Variants in PIK3C2G observed in about 807,000 individuals in gnomAD.
PIK3C2G encodes phosphatidylinositol-4-phosphate 3-kinase catalytic subunit type 2 gamma.
Under a neutral mutation model 181.1 loss-of-function variants are expected in PIK3C2G, and 168 were observed. That is an observed-to-expected ratio of 0.93 (90% CI 0.82 to 1.05). PIK3C2G has a LOEUF of 1.05. Ranked by LOEUF, PIK3C2G falls within the 50% of genes least tolerant of loss-of-function variation. PIK3C2G has a pLI of 0.00. For missense variants in PIK3C2G, 1,869 were observed against 1,732.8 expected, an observed-to-expected ratio of 1.08 and a Z score of -1.40; for synonymous variants, 573 against 592.2, an observed-to-expected ratio of 0.97 and a Z score of 0.47.
chr12:18,474,930 G>C (rs1001457398), intron 18 of PIK3C2G, among the ~76,000 whole-genome samples: 1 of 152,008 alleles, frequency 6.6e-6, no homozygotes, highest in Admixed American at 6.6e-5. Flanking sequence ...TCAGTTATCT[G>C]CCCTTTAAGC....
At chr12:18,245,093 A>T (rs10770328), upstream of PIK3C2G, among the ~76,000 whole-genome samples, 65,456 of 152,006 alleles carry the variant, frequency 0.43, 14,662 homozygotes, top group East Asian at 0.75. Context: ...ACTTTAAGAG[A>T]TTACGTGGGC....
intron 18 of PIK3C2G, among the ~76,000 whole-genome samples, chr12:18,466,878 T>C (rs1485197968): frequency 2.0e-5 from 3 of 151,986 alleles, no homozygotes; most frequent in Non-Finnish European, 4.4e-5. Context: ...AGTAATAACA[T>C]TTGACACAAA....
intron 24 of PIK3C2G, among the ~76,000 whole-genome samples, chr12:18,521,100 C>T (rs1287419504): frequency 6.6e-6 from 1 of 152,226 alleles, no homozygotes; most frequent in East Asian, 1.9e-4. Flanking sequence ...GGCTGGAGAA[C>T]AGCAAAGGTG....
chr12:18,314,360 T>G (rs1413089342), intron 6 of PIK3C2G, among the ~76,000 whole-genome samples: 2 of 152,020 alleles, frequency 1.3e-5, no homozygotes, highest in African/African-American at 4.8e-5. Context: ...GGAAGTGAGG[T>G]CTTTGGGAGG....
chr12:18,314,502 TC>T (rs1950777539), intron 6 of PIK3C2G: 1 of 154,134 alleles, frequency 6.5e-6, no homozygotes, highest in Non-Finnish European at 1.4e-5. Flanking sequence ...TCTATCACTC[TC>T]TCTTTCTCTT....
intron 17 of PIK3C2G, among the ~76,000 whole-genome samples, chr12:18,422,252 A>G (rs1467656310): frequency 6.6e-6 from 1 of 152,076 alleles, no homozygotes; most frequent in Non-Finnish European, 1.5e-5. Flanking sequence ...CAACTATGTC[A>G]TGATTAAAAA....
intron 25 of PIK3C2G, among the ~76,000 whole-genome samples, chr12:18,545,710 G>C (rs1944387401): frequency 6.6e-6 from 1 of 151,752 alleles, no homozygotes; most frequent in Non-Finnish European, 1.5e-5. Flanking sequence ...CATTTAAGTA[G>C]GGAAAATTGT....
chr12:18,586,452 A>C (rs1290110778), intron 29 of PIK3C2G, among the ~76,000 whole-genome samples: 1 of 152,158 alleles, frequency 6.6e-6, no homozygotes, highest in Non-Finnish European at 1.5e-5. Context: ...GAGCACCTCT[A>C]TGCGCACAAA....
the PIK3C2G span, among the ~76,000 whole-genome samples, chr12:18,726,650 AT>A: frequency 0.073 from 11,120 of 152,200 alleles, 503 homozygotes; most frequent in Middle Eastern, 0.12. Flanking sequence ...ACCATTTTCC[AT>A]TTCCAATGCT....
intron 29 of PIK3C2G, among the ~76,000 whole-genome samples, chr12:18,568,201 G>A (rs1366727228): frequency 1.3e-5 from 2 of 152,096 alleles, no homozygotes; most frequent in East Asian, 1.9e-4. Context: ...AACATCTTTT[G>A]GTAGGGGGTA....
rs534033464 is a variant in PIK3C2G at position 18,406,008 on chromosome 12, T to G, written c.2315+6161T>G. ...TCCAAGCTACTGAAATGTTGTACCC[T>G]TTGACAACAATCTCCTCTTTTTCCA... is the stretch of plus-strand genomic sequence containing the variant. On this transcript the variant is annotated intron_variant, in intron 16 of 32. Transcript: ENST00000538779. 2.0e-5 allele frequency among the ~76,000 whole-genome samples: 3 copies of G among 152,294 alleles called. No homozygotes were observed. In the South Asian group the frequency reaches 6.2e-4, roughly 32 times the overall value.
the PIK3C2G span, chr12:18,688,223 A>T: frequency 6.2e-7 from 1 of 1,603,224 alleles, no homozygotes; most frequent in African/African-American, 1.3e-5. Context: ...GATGAGCTGC[A>T]CAAATATATA....
intron 6 of PIK3C2G, among the ~76,000 whole-genome samples, chr12:18,319,501 G>T (rs1951012660): frequency 6.6e-6 from 1 of 151,394 alleles, no homozygotes. Flanking sequence ...TCCAATACAT[G>T]TATCTTACAA....
chr12:18,615,375 G>GTGTGTGTGTA (rs1555150547), intron 31 of PIK3C2G, among the ~76,000 whole-genome samples: 1 of 89,580 alleles, frequency 1.1e-5, no homozygotes, highest in African/African-American at 3.1e-5. Flanking sequence ...GTGTGTATGT[G>GTGTGTGTGTA]TATATATATA....
At chr12:18,358,694 C>A in intron 11 of PIK3C2G, 1 of 483,142 alleles carries the variant, frequency 2.1e-6, no homozygotes. Context: ...TCATCTCTTC[C>A]AGGAACCAAA....
At chr12:18,589,809 C>T (rs937782873) in intron 29 of PIK3C2G, among the ~76,000 whole-genome samples, 1 of 151,972 alleles carries the variant, frequency 6.6e-6, no homozygotes, top group Non-Finnish European at 1.5e-5. Flanking sequence ...CACAATGCTC[C>T]ATTTTCATCT....
chr12:18,681,942 G>A, the PIK3C2G span, among the ~76,000 whole-genome samples: 1 of 151,984 alleles, frequency 6.6e-6, no homozygotes, highest in Non-Finnish European at 1.5e-5. Flanking sequence ...AGGAGATTAG[G>A]GAAGGGTAAA....
At chr12:18,388,002 T>G (rs572276690) in intron 14 of PIK3C2G, among the ~76,000 whole-genome samples, 2 of 152,228 alleles carry the variant, frequency 1.3e-5, no homozygotes, top group Non-Finnish European at 2.9e-5. Flanking sequence ...TTTTCTAACA[T>G]TTTAGTACAT....
intron 16 of PIK3C2G, among the ~76,000 whole-genome samples, chr12:18,413,354 T>G (rs920542343): frequency 6.6e-6 from 1 of 152,154 alleles, no homozygotes; most frequent in Non-Finnish European, 1.5e-5. Flanking sequence ...ATAAAGTGCT[T>G]AGGTGAACAC....
Sources: gnomAD v4.1 joint callset for allele counts (sites outside exome capture counted in the v4.1 genomes callset) on GRCh38, gnomAD v4.1.1 for gene constraint, MANE v1.5 for transcripts, NCBI Gene and HGNC (gene_info 2026-07-23, HGNC 2026-07-21) for gene names.